Variants in ANGPT1 observed in about 807,000 individuals in gnomAD.
ANGPT1 encodes angiopoietin 1.
A neutral mutation model predicts 62.2 loss-of-function variants in ANGPT1; 17 were observed. The ratio of observed to expected loss-of-function variants is 0.27; its 90% CI spans 0.19 to 0.41. The LOEUF is 0.41. ANGPT1 is among the 10% of genes least tolerant of loss of function. The pLI is 1.00. For missense variants in ANGPT1, 478 were observed against 594.9 expected, an observed-to-expected ratio of 0.80 and a Z score of 2.04; for synonymous variants, 199 against 198.9, an observed-to-expected ratio of 1.00 and a Z score of 0.00.
At chr8:107,274,280 A>G (rs189846198) in intron 7 of ANGPT1, among the ~76,000 whole-genome samples, 2 of 152,290 alleles carry the variant, frequency 1.3e-5, no homozygotes, top group East Asian at 3.9e-4. Context: ...TAGTGCCAGG[A>G]AAATAATAGT....
intron 1 of ANGPT1, among the ~76,000 whole-genome samples, chr8:107,479,061 C>T (rs1202998534): frequency 1.3e-5 from 2 of 151,892 alleles, no homozygotes; most frequent in African/African-American, 2.4e-5. Flanking sequence ...AGTGTCTTAA[C>T]GGTTCTGCCA....
chr8:107,262,474 T>C (rs920499490), intron 8 of ANGPT1, among the ~76,000 whole-genome samples: 1 of 152,216 alleles, frequency 6.6e-6, no homozygotes, highest in African/African-American at 2.4e-5. Flanking sequence ...TCATTCATTT[T>C]CCTCATGTAC....
At chr8:107,381,723 T>C (rs1450030670) in intron 1 of ANGPT1, among the ~76,000 whole-genome samples, 3 of 152,182 alleles carry the variant, frequency 2.0e-5, no homozygotes, top group Non-Finnish European at 2.9e-5. Context: ...CAATTTTCCA[T>C]GTCAGAAAGG....
intron 3 of ANGPT1, among the ~76,000 whole-genome samples, chr8:107,333,173 T>C (rs916341267): frequency 1.3e-5 from 2 of 152,184 alleles, no homozygotes; most frequent in African/African-American, 4.8e-5. Context: ...CTCTTTTTTT[T>C]AAGTTGTTTA....
intron 1 of ANGPT1, among the ~76,000 whole-genome samples, chr8:107,382,080 A>C (rs1417309394): frequency 1.3e-5 from 2 of 152,162 alleles, no homozygotes; most frequent in African/African-American, 4.8e-5. Flanking sequence ...GAATTAACCC[A>C]AACAATAGGT....
At chr8:107,484,140 T>C (rs984828368) in intron 1 of ANGPT1, among the ~76,000 whole-genome samples, 1 of 152,162 alleles carries the variant, frequency 6.6e-6, no homozygotes, top group Middle Eastern at 3.2e-3. Flanking sequence ...TCAGAATTTG[T>C]TGTAATTTGT....
In ANGPT1 at chr8:107,443,637, C is replaced by T. The variant is rs1371651671; in HGVS notation, c.297+53625G>A. On this transcript the variant is annotated intron_variant, in intron 1 of 8. Coordinates refer to ENST00000517746, the MANE Select transcript of ANGPT1 (RefSeq NM_001146.5). The stretch of plus-strand genomic sequence containing the variant: ...CAGCCTGACCAACATGGAGAAATCC[C>T]GTCTCTACTAAAAAAAAAAAAAAAA... 4.2e-4 allele frequency among the ~76,000 whole-genome samples: 61 copies of T among 145,802 alleles called. No individual in the cohort carries two copies. In the East Asian group the frequency reaches 0.01, roughly 24 times the overall value.
chr8:107,322,712 A>T (rs1815183651), intron 3 of ANGPT1: 1 of 326,898 alleles, frequency 3.1e-6, no homozygotes, highest in Admixed American at 4.5e-5. Context: ...AGAAAGAAAA[A>T]AATCTCTTAT....
intron 1 of ANGPT1, among the ~76,000 whole-genome samples, chr8:107,469,016 G>C (rs1275894417): frequency 6.6e-6 from 1 of 151,918 alleles, no homozygotes; most frequent in East Asian, 1.9e-4. Flanking sequence ...AAAACTACAG[G>C]GTTTTCTTTA....
In ANGPT1 at chr8:107,303,265, A is replaced by G; in HGVS notation, c.911T>C (p.Ile304Thr). The change falls in exon 5 of 9, where the codon ATT (isoleucine) becomes ACT (threonine). Residue 304 changes from isoleucine (I) to threonine (T), a missense_variant. By Grantham distance (89) the Ile-to-Thr change is moderately conservative. Coordinates refer to ENST00000517746, the MANE Select transcript of ANGPT1 (RefSeq NM_001146.5). ...CTTTTTGGGTTCTGGCATATTATTA[A>G]TATAAATAGTGTAGATTCCACTTTT... ...FNKSGIYTIY[I>T]NNMPEPKKVF... The G allele has an allele frequency of 6.2e-7, 1 of 1,609,362 alleles. No individual in the cohort carries two copies.
chr8:107,374,966 C>A (rs1449215610), intron 1 of ANGPT1, among the ~76,000 whole-genome samples: 1 of 152,110 alleles, frequency 6.6e-6, no homozygotes, highest in Non-Finnish European at 1.5e-5. Flanking sequence ...TTCAGACCAG[C>A]CTGGCCAACA....
intron 2 of ANGPT1, among the ~76,000 whole-genome samples, chr8:107,346,249 C>G (rs1266557755): frequency 6.6e-6 from 1 of 152,102 alleles, no homozygotes; most frequent in Non-Finnish European, 1.5e-5. Context: ...ATAGAATCAT[C>G]CCTTGGGTTT....
At chr8:107,341,937 C>T (rs958252223) in intron 2 of ANGPT1, among the ~76,000 whole-genome samples, 3 of 152,066 alleles carry the variant, frequency 2.0e-5, no homozygotes, top group African/African-American at 7.2e-5. Context: ...TCTTTCAAGT[C>T]GCCATGAGGT....
chr8:107,467,752 G>C lies in ANGPT1; in HGVS notation c.297+29510C>G, dbSNP rs1024688490. Among the ~76,000 whole-genome samples the C allele has an allele frequency of 5.9e-4, 90 of 152,026 alleles. 2 individuals carry two copies. Among genetic ancestry groups the C allele is most frequent in the African/African-American group, 7.2e-5 (3 of 41,422 alleles). On this transcript the variant is annotated intron_variant, in intron 1 of 8. Coordinates refer to ENST00000517746, the MANE Select transcript of ANGPT1 (RefSeq NM_001146.5). ...CAGATAAAAAAGAAAAGAATGCATA[G>C]CTGGGCAAAAAGGAAATGTTAAGGA... is the stretch of plus-strand genomic sequence containing the variant.
intron 1 of ANGPT1, among the ~76,000 whole-genome samples, chr8:107,391,398 G>T (rs551748824): frequency 5.7e-4 from 87 of 152,296 alleles, no homozygotes; most frequent in Non-Finnish European, 1.0e-3. Flanking sequence ...CAGGAGCAGT[G>T]GTTCACACTT....
chr8:107,353,734 G>A (rs1815981676), intron 1 of ANGPT1, among the ~76,000 whole-genome samples: 1 of 152,164 alleles, frequency 6.6e-6, no homozygotes, highest in Non-Finnish European at 1.5e-5. Flanking sequence ...TGGTAAGTGT[G>A]TGCTGTGTAC....
chr8:107,433,228 A>G (rs1188521377), intron 1 of ANGPT1, among the ~76,000 whole-genome samples: 1 of 152,188 alleles, frequency 6.6e-6, no homozygotes, highest in Non-Finnish European at 1.5e-5. Context: ...CTGGGGGTAG[A>G]GAAGACCAGC....
intron 7 of ANGPT1, among the ~76,000 whole-genome samples, chr8:107,275,223 G>A (rs550671771): frequency 1.3e-5 from 2 of 151,936 alleles, no homozygotes; most frequent in South Asian, 2.1e-4. Flanking sequence ...GAGCAATATT[G>A]CCCCCAGAGG....
At position 107,287,102 on chromosome 8, in the gene ANGPT1, C is replaced by T. The variant is rs148958213; in HGVS notation, c.1039-2254G>A. Among the ~76,000 whole-genome samples the T allele has an allele frequency of 4.7e-3, 715 of 152,202 alleles. 3 individuals are homozygous for T. Among genetic ancestry groups the T allele is most frequent in the Non-Finnish European group, 6.2e-3 (422 of 67,998 alleles). On this transcript the variant is annotated intron_variant, in intron 6 of 8. Coordinates refer to ENST00000517746, the MANE Select transcript of ANGPT1 (RefSeq NM_001146.5). ...CCACTTGATGATTCCCTTTTCTGTG[C>T]AGTCATTGAAAAGGGATTCAACACT...
Sources: allele counts gnomAD v4.1 joint callset (sites outside exome capture counted in the v4.1 genomes callset), GRCh38; gene constraint gnomAD v4.1.1; transcripts MANE v1.5; gene names NCBI Gene and HGNC (gene_info 2026-07-23, HGNC 2026-07-21).